RNF207: variants seen among roughly 807,000 people sequenced by gnomAD.
The protein encoded by RNF207 is ring finger protein 207, also known as OTTHUMG00000001089.
A neutral mutation model predicts 79.0 loss-of-function variants in RNF207; 72 were observed. That is an observed-to-expected ratio of 0.91 (90% CI 0.75 to 1.11). The LOEUF is 1.11. Among genes scored for constraint, RNF207 ranks in the 50% least tolerant of loss-of-function variants. RNF207 has a pLI of 0.00. For synonymous variants in RNF207, 348 were observed against 366.2 expected (o/e 0.95, Z 0.57); for missense variants, 936 against 855.8 (o/e 1.09, Z -1.17).
rs1462310516 is a variant in RNF207 at position 6,211,198 on chromosome 1, C to T, written c.1109+80C>T. 1.3e-5 allele frequency: 13 copies of T among 971,660 alleles called. No individual in the cohort carries two copies. Among genetic ancestry groups the T allele is most frequent in the Middle Eastern group, 5.6e-4 (2 of 3,540 alleles). The allele number at this position is 971,660 out of a possible 1,614,324, so 60.2% of individuals were successfully genotyped here. A position where few individuals can be genotyped will look rare whatever the true frequency, so the allele number is the denominator to read the frequency against. On this transcript the variant is annotated intron_variant, in intron 12 of 17. Coordinates refer to ENST00000377939, the MANE Select transcript of RNF207 (RefSeq NM_207396.3). The surrounding 1 kb of genome is among the most constrained non-coding windows in gnomAD (Gnocchi z 4.2). The stretch of plus-strand genomic sequence containing the variant: ...GAGGGTGGGCGCTGAGGGGCCAGAT[C>T]GCCAGCAAGAAGCCAGGTGCCACCA...
intron 8 of RNF207, 50 bp from the exon 9 acceptor site, chr1:6,210,173 C>T: frequency 6.6e-7 from 1 of 1,522,494 alleles, no homozygotes; most frequent in Non-Finnish European, 9.1e-7. Flanking sequence ...GATGGAACTG[C>T]CCGGCCCTGC....
At chr1:6,210,100 G>T in intron 8 of RNF207, 123 bp from the exon 9 acceptor site, 1 of 1,300,262 alleles carries the variant, frequency 7.7e-7, no homozygotes, top group Non-Finnish European at 1.1e-6. Context: ...AAGGAGGGCA[G>T]CATGGCTCAG....
Position 6,220,217 on chromosome 1 carries a change from A to C in RNF207, c.*810A>C, listed in dbSNP as rs2100952189. The C allele has an allele frequency of 6.6e-6, 1 of 152,334 alleles. No homozygotes were observed. Among genetic ancestry groups the C allele is most frequent in the East Asian group, 1.9e-4 (1 of 5,170 alleles). The allele number at this position is 152,334 out of a possible 1,614,324, so 9.4% of individuals were successfully genotyped here. Reference sequence around the variant, plus strand: ...TTTTCCCCGTGTTTGCATGGCATGAAGTCTTCGTCCTTGTCACAGTAGCTT... The same window carrying C: ...TTTTCCCCGTGTTTGCATGGCATGACGTCTTCGTCCTTGTCACAGTAGCTT... On this transcript the variant is annotated 3_prime_UTR_variant, in exon 18 of 18. Coordinates refer to ENST00000377939, the MANE Select transcript of RNF207 (RefSeq NM_207396.3).
Position 6,211,724 on chromosome 1 carries a change from T to C in RNF207, c.1110-143T>C, listed in dbSNP as rs1206615780. On this transcript the variant is annotated intron_variant, in intron 12 of 17. Coordinates refer to ENST00000377939, the MANE Select transcript of RNF207 (RefSeq NM_207396.3). This position sits in a 1 kb window ranked among gnomAD's most constrained non-coding sequence, Gnocchi z 4.2. ...CCGGGTGAGGCCTTGCCTCAGCCTT[T>C]TCAAATCTCCTGGTGGCTCTGCTGT... is the stretch of plus-strand genomic sequence containing the variant. 1.6e-6 allele frequency: 1 copy of C among 620,876 alleles called. No individual in the cohort carries two copies. The highest frequency in any genetic ancestry group is 2.8e-5 in the East Asian group (1 of 36,152). The allele number at this position is 620,876 out of a possible 1,614,324, so 38.5% of individuals were successfully genotyped here. A position where few individuals can be genotyped will look rare whatever the true frequency, so the allele number is the denominator to read the frequency against.
chr1:6,210,183 C>T (rs1668102169), intron 8 of RNF207, 40 bp from the exon 9 acceptor site: 1 of 1,562,576 alleles, frequency 6.4e-7, no homozygotes, highest in Admixed American at 1.7e-5. Context: ...CCCGGCCCTG[C>T]TCCTGGCCCC....
chr1:6,215,364 C>T (rs1422645422), intron 16 of RNF207, among the ~76,000 whole-genome samples: 2 of 146,564 alleles, frequency 1.4e-5, no homozygotes, highest in Non-Finnish European at 3.0e-5. Flanking sequence ...TGGGGTCTTG[C>T]CATGTTGCCC....
rs1668469993 is a variant in RNF207 at position 6,219,313 on chromosome 1, T to C, written c.1811T>C (p.Leu604Pro). The change falls in exon 18 of 18, where the codon CTC becomes CCC. Residue 604 changes from leucine to proline, a missense_variant. Leu to Pro is a moderately conservative substitution (Grantham distance 98, BLOSUM62 -3). Coordinates refer to ENST00000377939, the MANE Select transcript of RNF207 (RefSeq NM_207396.3). ...GGAAACAGCTGGGCTCCGAACGGCC[T>C]CTCAGAAGAGCCTCTACTGAAAAAT... The part of the protein sequence containing the change: ...PKGNSWAPNG[L>P]SEEPLLKNMD... 1 of 1,613,412 alleles carries C rather than the reference T, an allele frequency of 6.2e-7. No individual in the cohort carries two copies. The highest frequency in any genetic ancestry group is 8.5e-7 in the Non-Finnish European group (1 of 1,179,678).
rs770615114 is a variant in RNF207, at chr1:6,211,088, G to T, written c.1079G>T (p.Arg360Leu). The change falls in exon 12 of 18, where the codon CGG becomes CTG. Residue 360 changes from arginine (R) to leucine (L), a missense_variant. By Grantham distance (102) the Arg-to-Leu change is moderately radical. Transcript: ENST00000377939. This position sits in a 1 kb window ranked among gnomAD's most constrained non-coding sequence, Gnocchi z 4.2. Reference sequence around the variant, plus strand: ...CCACTGCTGCTGCTGGGGCCACGTCGGGTGGCAGCTGCTGCAAGTGGTGCT... The same window carrying T: ...CCACTGCTGCTGCTGGGGCCACGTCTGGTGGCAGCTGCTGCAAGTGGTGCT... ...LEPLLLLGPR[R>L]VAAAASGANT... 1.2e-6 allele frequency: 2 copies of T among 1,602,368 alleles called. No homozygotes were observed. Among genetic ancestry groups the T allele is most frequent in the African/African-American group, 1.3e-5 (1 of 74,850 alleles).
In RNF207 at chr1:6,209,984, A is replaced by C. The variant is rs1379631922; in HGVS notation, c.800+14A>C. On this transcript the variant is annotated intron_variant, in intron 8 of 17. Transcript: ENST00000377939. ...GGCTGTGCAGAGGTGAGTTGGGGGG[A>C]GCGGGGCTTGCTTCCCTTACCCCTT... The C allele has an allele frequency of 6.4e-7, 1 of 1,571,688 alleles. No individual in the cohort carries two copies. The highest frequency in any genetic ancestry group is 8.6e-7 in the Non-Finnish European group (1 of 1,158,208).
chr1:6,209,590 C>G, intron 7 of RNF207, 51 bp downstream of exon 7: 1 of 1,420,100 alleles, frequency 7.0e-7, no homozygotes, highest in Non-Finnish European at 9.1e-7. Flanking sequence ...CCTGGTGACA[C>G]AGGGCTGGTC....
At position 6,219,445 on chromosome 1, in the gene RNF207, A is replaced by T; in HGVS notation, c.*38A>T. 1 of 1,500,908 alleles carries T rather than the reference A, an allele frequency of 6.7e-7. No individual in the cohort carries two copies. The highest frequency in any genetic ancestry group is 9.1e-7 in the Non-Finnish European group (1 of 1,101,254). The allele number at this position is 1,500,908 out of a possible 1,614,324, so 93.0% of individuals were successfully genotyped here. A position where few individuals can be genotyped will look rare whatever the true frequency, so the allele number is the denominator to read the frequency against. On this transcript the variant is annotated 3_prime_UTR_variant, in exon 18 of 18. Transcript: ENST00000377939. ...GTCCCCAGGGTCAGGCTCTTAGAGC[A>T]GGCACAAGACTGGGACACTGGACAG...
At chr1:6,208,637 G>T in intron 3 of RNF207, 1 of 532,026 alleles carries the variant, frequency 1.9e-6, no homozygotes, top group Non-Finnish European at 3.3e-6. Context: ...GGCAGTTTCT[G>T]CCCTCTCCCC....
At chr1:6,209,379 C>G (rs1668059492) in intron 6 of RNF207, 35 bp from the exon 7 acceptor site, 2 of 1,524,930 alleles carry the variant, frequency 1.3e-6, no homozygotes, top group Admixed American at 2.1e-5. Context: ...GGCCGCGCGG[C>G]GGCGATCGCG....
In RNF207 at chr1:6,208,668, C is replaced by G. The variant is rs993638655; in HGVS notation, c.325-213C>G. 6 of 552,062 alleles carry G rather than the reference C, an allele frequency of 1.1e-5. No homozygotes were observed. The African/African-American group carries it at 1.2e-4, about 11-fold the overall frequency. 34.2% of individuals were successfully genotyped at this position (552,062 alleles called of 1,614,324 possible). On this transcript the variant is annotated intron_variant, in intron 3 of 17. Coordinates refer to ENST00000377939, the MANE Select transcript of RNF207 (RefSeq NM_207396.3). ...TCCCCGCGTCCCCCACCCCCCTCCA[C>G]GGACCTACTTACCCAGCCTCTGAGC... is the stretch of plus-strand genomic sequence containing the variant.
intron 16 of RNF207, among the ~76,000 whole-genome samples, chr1:6,216,725 T>C (rs1262691687): frequency 2.0e-5 from 3 of 150,786 alleles, no homozygotes; most frequent in African/African-American, 7.3e-5. Context: ...CACACCCGGC[T>C]GATTTTTTTT....
chr1:6,211,857 C>T lies in RNF207; in HGVS notation c.1110-10C>T. The T allele has an allele frequency of 6.5e-7, 1 of 1,545,814 alleles. No homozygotes were observed. The highest frequency in any genetic ancestry group is 8.7e-7 in the Non-Finnish European group (1 of 1,144,872). ...CCACCCCCCTGCATCCACACTGGCT[C>T]TCTCCCCAGGCTGGCAGGGGGCTTA... On this transcript the variant is annotated splice_polypyrimidine_tract_variant and intron_variant, in intron 12 of 17. Coordinates refer to ENST00000377939, the MANE Select transcript of RNF207 (RefSeq NM_207396.3). The surrounding 1 kb of genome is among the most constrained non-coding windows in gnomAD (Gnocchi z 4.2).
At position 6,209,111 on chromosome 1, in the gene RNF207, G is replaced by T. The variant is rs375224038; in HGVS notation, c.470-4G>T. ...GCCCTCACCACCGCCCGCCGCCCCC[G>T]CAGCGCTGCACGCAGAGCCCTACCT... On this transcript the variant is annotated splice_polypyrimidine_tract_variant and splice_region_variant and intron_variant, in intron 4 of 17. Transcript: ENST00000377939. 22 of 1,551,792 alleles carry T rather than the reference G, an allele frequency of 1.4e-5. No homozygotes were observed. The highest frequency in any genetic ancestry group is 1.7e-5 in the Non-Finnish European group (19 of 1,147,904).
In RNF207 at chr1:6,212,047, C is replaced by G. The variant is rs1668191408; in HGVS notation, c.1290C>G (p.Ser430=). Residue 430 remains serine, a synonymous_variant, in exon 13 of 18, where the codon TCC becomes TCG. Transcript: ENST00000377939. ...AGCACTGCCGCCACTATGAGGACTC[C>G]TACCGGGTGAGGGGGCAGGGATCTG... ...FAEHCRHYED[S]YRHLQAEMQS... The G allele has an allele frequency of 1.3e-6, 2 of 1,597,462 alleles. No individual in the cohort carries two copies. The highest frequency in any genetic ancestry group is 2.2e-5 in the South Asian group (2 of 89,190).
intron 16 of RNF207, among the ~76,000 whole-genome samples, chr1:6,215,256 G>A (rs1387926828): frequency 4.0e-5 from 6 of 151,644 alleles, no homozygotes; most frequent in Non-Finnish European, 5.9e-5. Flanking sequence ...TTGAACTCCC[G>A]ACCTCAGGTG....
Sources: gnomAD v4.1 joint callset for allele counts (sites outside exome capture counted in the v4.1 genomes callset) on GRCh38, gnomAD v4.1.1 for gene constraint, Gnocchi (gnomAD v3.1) non-coding constraint, MANE v1.5 for transcripts, NCBI Gene and HGNC (gene_info 2026-07-23, HGNC 2026-07-21) for gene names.